ADAMTS18: variants seen among roughly 807,000 people sequenced by gnomAD.
ADAMTS18 encodes the protein ADAM metallopeptidase with thrombospondin type 1 motif 18.
A neutral mutation model predicts 165.9 loss-of-function variants in ADAMTS18; 157 were observed. The observed-to-expected ratio is 0.95, with a 90% CI of 0.83 to 1.08. The LOEUF (loss-of-function observed/expected upper bound fraction) is 1.08. Ranked by LOEUF, ADAMTS18 falls within the 50% of genes least tolerant of loss-of-function variation. The pLI is 0.00. For missense variants in ADAMTS18, 2,040 were observed against 1,534.0 expected, an observed-to-expected ratio of 1.33 and a Z score of -5.51; for synonymous variants, 782 against 578.2, an observed-to-expected ratio of 1.35 and a Z score of -5.06.
chr16:77,339,332 G>C (rs1020607005), intron 11 of ADAMTS18, among the ~76,000 whole-genome samples: 1 of 152,114 alleles, frequency 6.6e-6, no homozygotes, highest in African/African-American at 2.4e-5. Context: ...CTTTTCACCA[G>C]TATATAACTA....
At chr16:77,359,513 T>A (rs2056680404) in intron 7 of ADAMTS18, 90 bp from the exon 8 acceptor site, 1 of 1,064,636 alleles carries the variant, frequency 9.4e-7, no homozygotes, top group Non-Finnish European at 1.3e-6. Flanking sequence ...TTCTACACAG[T>A]TTTAGTTTAA....
intron 8 of ADAMTS18, among the ~76,000 whole-genome samples, chr16:77,358,242 G>C (rs941408025): frequency 2.0e-5 from 3 of 152,122 alleles, no homozygotes; most frequent in Non-Finnish European, 4.4e-5. Context: ...CAATGATCAA[G>C]GTTTAAATTT....
chr16:77,353,982 T>G (rs2056593376), intron 9 of ADAMTS18, 96 bp from the exon 10 acceptor site: 3 of 1,432,510 alleles, frequency 2.1e-6, no homozygotes, highest in Admixed American at 3.3e-5. Context: ...CAAAGAAAAA[T>G]ATAGCATGGT....
rs1188564939 is a variant in ADAMTS18 at position 77,434,413 on chromosome 16, C to G, written c.178+5G>C. The G allele has an allele frequency of 1.3e-6, 2 of 1,567,752 alleles. No homozygotes were observed. Among genetic ancestry groups the G allele is most frequent in the Non-Finnish European group, 1.7e-6 (2 of 1,163,022 alleles). Reference sequence around the variant, plus strand: ...CCTTCTTGGGGATGGGGGGCAAATACGAACCATCATTTAATCCGCTGGCGC... The same window carrying G: ...CCTTCTTGGGGATGGGGGGCAAATAGGAACCATCATTTAATCCGCTGGCGC... On this transcript the variant is annotated splice_donor_5th_base_variant and intron_variant, in intron 2 of 22. Transcript: ENST00000282849.
At chr16:77,383,570 G>C (rs2057063487) in intron 3 of ADAMTS18, among the ~76,000 whole-genome samples, 1 of 151,810 alleles carries the variant, frequency 6.6e-6, no homozygotes, top group South Asian at 2.1e-4. Context: ...TGGAGACAGA[G>C]TCTCCCTCTG....
rs998125792 is a variant in ADAMTS18, at chr16:77,409,671, G to A, written c.495+21624C>T. On this transcript the variant is annotated intron_variant, in intron 3 of 22. Coordinates refer to ENST00000282849, the MANE Select transcript of ADAMTS18 (RefSeq NM_199355.4). ...GGCATTTATGGTGAACCACTCTGAC[G>A]GGTCTGCTTCATCAAACAAGCCTTG... 4.6e-5 allele frequency among the ~76,000 whole-genome samples: 7 copies of A among 152,066 alleles called. No homozygotes were observed. The South Asian group carries it at 1.0e-3, about 23-fold the overall frequency.
intron 15 of ADAMTS18, among the ~76,000 whole-genome samples, chr16:77,320,647 A>T (rs1225635534): frequency 2.0e-5 from 3 of 152,258 alleles, no homozygotes; most frequent in East Asian, 1.9e-4. Context: ...TCAAAAAAAA[A>T]AAATCTGTCT....
intron 16 of ADAMTS18, among the ~76,000 whole-genome samples, chr16:77,317,586 G>A (rs899609377): frequency 7.9e-5 from 12 of 152,246 alleles, no homozygotes; most frequent in South Asian, 6.2e-4. Flanking sequence ...CACCTGCCTC[G>A]GGTGATTTCC....
At chr16:77,323,878 G>C (rs1433477153) in intron 13 of ADAMTS18, among the ~76,000 whole-genome samples, 1 of 152,174 alleles carries the variant, frequency 6.6e-6, no homozygotes, top group African/African-American at 2.4e-5. Flanking sequence ...ATCTAGCAAA[G>C]TGTCTCCTAC....
At chr16:77,362,311 G>T in intron 6 of ADAMTS18, 47 bp from the exon 7 acceptor site, 1 of 1,599,636 alleles carries the variant, frequency 6.3e-7, no homozygotes, top group South Asian at 1.1e-5. Context: ...TCACAGAGAT[G>T]AGAATGCTGA....
chr16:77,292,515 A>G (rs984954981), intron 20 of ADAMTS18, among the ~76,000 whole-genome samples: 1 of 152,116 alleles, frequency 6.6e-6, no homozygotes, highest in African/African-American at 2.4e-5. Context: ...TGCTCCCTAG[A>G]AAGTCTCTTC....
At chr16:77,313,499 A>G (rs1484618203) in intron 16 of ADAMTS18, among the ~76,000 whole-genome samples, 3 of 148,160 alleles carry the variant, frequency 2.0e-5, no homozygotes, top group Non-Finnish European at 4.5e-5. Context: ...AAAAAAAAAA[A>G]CTTAAATTAC....
chr16:77,324,215 A>G (rs539111619), intron 13 of ADAMTS18, among the ~76,000 whole-genome samples: 61 of 152,210 alleles, frequency 4.0e-4, no homozygotes, highest in Non-Finnish European at 7.3e-4. Context: ...AAAGAACCAC[A>G]GGTAGGAAGC....
At chr16:77,406,355 CA>C (rs1417479522) in intron 3 of ADAMTS18, among the ~76,000 whole-genome samples, 2 of 151,932 alleles carry the variant, frequency 1.3e-5, no homozygotes, top group African/African-American at 4.8e-5. Flanking sequence ...GAGGGTATCT[CA>C]AAAGAAACCC....
chr16:77,295,670 G>C (rs2055456188), intron 18 of ADAMTS18, among the ~76,000 whole-genome samples: 1 of 152,096 alleles, frequency 6.6e-6, no homozygotes, highest in Non-Finnish European at 1.5e-5. Flanking sequence ...TTTAGAGAAG[G>C]TCTCACAGAG....
rs917968139 is a variant in ADAMTS18 at position 77,352,674 on chromosome 16, GAA to G, written c.1614+1057_1614+1058del. Among the ~76,000 whole-genome samples the G allele has an allele frequency of 3.9e-5, 6 of 152,038 alleles. No homozygotes were observed. The East Asian group carries it at 9.7e-4, about 24-fold the overall frequency. On this transcript the variant is annotated intron_variant, in intron 10 of 22. Transcript: ENST00000282849. ...TGGCAGAGAAGGAGGAATAGGGAGA[GAA>G]AGAGGAGGAAGAAGAGGAACAGGAG...
intron 3 of ADAMTS18, among the ~76,000 whole-genome samples, chr16:77,401,757 T>C (rs1296668239): frequency 6.6e-6 from 1 of 152,226 alleles, no homozygotes; most frequent in Admixed American, 6.5e-5. Flanking sequence ...ATCTAATTTC[T>C]TGAGGGTCTA....
At chr16:77,422,141 T>C (rs1194081163) in intron 3 of ADAMTS18, among the ~76,000 whole-genome samples, 2 of 152,070 alleles carry the variant, frequency 1.3e-5, no homozygotes, top group Admixed American at 1.3e-4. Context: ...TGTGCATTAA[T>C]TCACAGACCA....
intron 3 of ADAMTS18, among the ~76,000 whole-genome samples, chr16:77,396,567 G>A (rs759843374): frequency 4.6e-5 from 7 of 152,160 alleles, no homozygotes; most frequent in Non-Finnish European, 8.8e-5. Flanking sequence ...TTGAAGGTAG[G>A]TATCTTAATC....
Sources: gnomAD v4.1 joint callset for allele counts (sites outside exome capture counted in the v4.1 genomes callset) on GRCh38, gnomAD v4.1.1 for gene constraint, MANE v1.5 for transcripts, NCBI Gene and HGNC (gene_info 2026-07-23, HGNC 2026-07-21) for gene names.